Variants in PIK3R1 observed in about 807,000 individuals in gnomAD.
The protein encoded by PIK3R1 is phosphatidylinositol 3-kinase regulatory subunit alpha.
PIK3R1 carries 29 observed loss-of-function variants against 98.0 expected under a neutral mutation model. That is an observed-to-expected ratio of 0.30 (90% confidence interval 0.22 to 0.40). The LOEUF is 0.40. Among genes scored for constraint, PIK3R1 ranks in the 10% least tolerant of loss-of-function variants. PIK3R1 has a pLI of 1.00. For synonymous variants in PIK3R1, 282 were observed against 311.8 expected (o/e 0.90, Z 1.01); for missense variants, 596 against 872.7 (o/e 0.68, Z 3.99).
chr5:68,252,750 T>A (rs1052280891), intron 2 of PIK3R1, among the ~76,000 whole-genome samples: 3 of 152,214 alleles, frequency 2.0e-5, no homozygotes, highest in Non-Finnish European at 2.9e-5. Flanking sequence ...CTACTTTGTA[T>A]TTCCCTGAAA....
At chr5:68,237,679 CGA>C (rs1302599105) in intron 2 of PIK3R1, among the ~76,000 whole-genome samples, 14 of 151,122 alleles carry the variant, frequency 9.3e-5, no homozygotes, top group African/African-American at 3.4e-4. Context: ...TGAGAGTCTC[CGA>C]GAGAGCCTCT....
chr5:68,222,017 T>G (rs1171082950), intron 1 of PIK3R1, among the ~76,000 whole-genome samples: 1 of 152,256 alleles, frequency 6.6e-6, no homozygotes, highest in Non-Finnish European at 1.5e-5. Context: ...ATGCACTAGC[T>G]TGGAGCCTAT....
At chr5:68,269,991 T>A (rs1746279185) in intron 2 of PIK3R1, among the ~76,000 whole-genome samples, 1 of 152,182 alleles carries the variant, frequency 6.6e-6, no homozygotes, top group South Asian at 2.1e-4. Flanking sequence ...TTTTCAATAT[T>A]ACAAATTCAG....
At chr5:68,278,993 A>T (rs1322025908) in intron 4 of PIK3R1, among the ~76,000 whole-genome samples, 2 of 152,144 alleles carry the variant, frequency 1.3e-5, no homozygotes, top group Non-Finnish European at 2.9e-5. Context: ...AGTCCGAGAA[A>T]AAAGCATGTT....
intron 2 of PIK3R1, among the ~76,000 whole-genome samples, chr5:68,253,265 A>T (rs1175189520): frequency 1.3e-5 from 2 of 152,140 alleles, no homozygotes; most frequent in Non-Finnish European, 2.9e-5. Flanking sequence ...ATTTCCTAGC[A>T]TGTTTCATGA....
intron 7 of PIK3R1, chr5:68,291,662 A>G (rs1403570684): frequency 6.6e-6 from 1 of 152,460 alleles, no homozygotes; most frequent in Non-Finnish European, 1.5e-5. Context: ...GAATATTAAC[A>G]TATTAAAGAG....
At chr5:68,284,154 A>G (rs1446366069) in intron 7 of PIK3R1, among the ~76,000 whole-genome samples, 1 of 152,202 alleles carries the variant, frequency 6.6e-6, no homozygotes, top group African/African-American at 2.4e-5. Context: ...GGTTGGTATG[A>G]GATTTAATGA....
At chr5:68,229,852 A>G (rs1040867620) in intron 2 of PIK3R1, among the ~76,000 whole-genome samples, 1 of 152,224 alleles carries the variant, frequency 6.6e-6, no homozygotes, top group African/African-American at 2.4e-5. Flanking sequence ...TATATACGGC[A>G]CTGTACTTTC....
At chr5:68,264,816 T>G (rs774607553) in intron 2 of PIK3R1, among the ~76,000 whole-genome samples, 5 of 152,154 alleles carry the variant, frequency 3.3e-5, no homozygotes, top group Non-Finnish European at 7.4e-5. Context: ...CCCTCCCCAC[T>G]CATCAGTACA....
chr5:68,226,259 C>G, intron 1 of PIK3R1, 31 bp from the exon 2 acceptor site: 1 of 408,442 alleles, frequency 2.4e-6, no homozygotes, highest in Non-Finnish European at 4.3e-6. Flanking sequence ...GTGTGCTGTT[C>G]ATTCTTAAGT....
intron 15 of PIK3R1, among the ~76,000 whole-genome samples, chr5:68,296,750 GAAA>G (rs577114354): frequency 2.7e-5 from 4 of 145,774 alleles, no homozygotes; most frequent in Non-Finnish European, 6.1e-5. Flanking sequence ...AGGAACAGGT[GAAA>G]AAAAAAAGGA....
rs141409219 is a variant in PIK3R1, at chr5:68,279,772, A to G, written c.634+39A>G. ...CTTCTGGGAACCTCATTGAACATAC[A>G]TGGAGATGTAGAGGTGCTTGTATAT... is the stretch of plus-strand genomic sequence containing the variant. On this transcript the variant is annotated intron_variant, in intron 5 of 15. Coordinates refer to ENST00000521381, the MANE Select transcript of PIK3R1 (RefSeq NM_181523.3). The G allele has an allele frequency of 1.4e-3, 2,264 of 1,602,252 alleles. 1 individual carries two copies. Among genetic ancestry groups the G allele is most frequent in the Non-Finnish European group, 1.5e-3 (1,774 of 1,169,540 alleles).
chr5:68,240,635 C>T (rs1237714166), intron 2 of PIK3R1, among the ~76,000 whole-genome samples: 3 of 152,168 alleles, frequency 2.0e-5, no homozygotes, highest in Admixed American at 6.5e-5. Context: ...CTTTGCCTAC[C>T]CCAAATAAGT....
intron 13 of PIK3R1, 46 bp downstream of exon 13, chr5:68,295,370 C>T: frequency 2.5e-6 from 4 of 1,612,412 alleles, no homozygotes; most frequent in Non-Finnish European, 3.4e-6. Flanking sequence ...TTGGTGATTG[C>T]TACAATTCAG....
At chr5:68,262,348 T>A (rs1178099715) in intron 2 of PIK3R1, among the ~76,000 whole-genome samples, 1 of 149,620 alleles carries the variant, frequency 6.7e-6, no homozygotes. Context: ...TTTCTGAGAA[T>A]CTTTTTGAGA....
intron 7 of PIK3R1, chr5:68,288,647 G>A (rs1397744131): frequency 5.0e-6 from 8 of 1,602,598 alleles, no homozygotes; most frequent in Non-Finnish European, 6.8e-6. Context: ...GGGAGGTGCG[G>A]GGGCTTGGCC....
In PIK3R1 at chr5:68,293,109, T is replaced by C; in HGVS notation, c.1028T>C (p.Val343Ala). The change falls in exon 9 of 16, where the codon GTG becomes GCG. Residue 343 changes from valine to alanine, a missense_variant. Transcript: ENST00000521381. ...TTGTGTTTTCATTTCAGGGAAGAAG[T>C]GAATGAAAAACTTCGAGATACAGCA... is the stretch of plus-strand genomic sequence containing the variant. ...WYWGDISREE[V>A]NEKLRDTADG... 1 of 1,611,668 alleles carries C rather than the reference T, an allele frequency of 6.2e-7. No individual in the cohort carries two copies. The highest frequency in any genetic ancestry group is 8.5e-7 in the Non-Finnish European group (1 of 1,177,822).
intron 1 of PIK3R1, 120 bp downstream of exon 1, chr5:68,216,069 C>T (rs1388177049): frequency 6.6e-6 from 1 of 152,242 alleles, no homozygotes. Flanking sequence ...TGCAGAGCCC[C>T]GCCGGGGGGA....
chr5:68,235,872 A>ATTTTTTTTTTTTTTTTTTT (rs56930555), intron 2 of PIK3R1, among the ~76,000 whole-genome samples: 1 of 146,644 alleles, frequency 6.8e-6, no homozygotes, highest in Non-Finnish European at 1.5e-5. Flanking sequence ...TCTGCCAGGC[A>ATTTTTTTTTTTTTTTTTTT]TTTTTTTTTT....
Sources: gnomAD v4.1 joint callset for allele counts (sites outside exome capture counted in the v4.1 genomes callset) on GRCh38, gnomAD v4.1.1 for gene constraint, MANE v1.5 for transcripts, NCBI Gene and HGNC (gene_info 2026-07-23, HGNC 2026-07-21) for gene names.